The following PCDH15 variants were observed in gnomAD, a reference collection of about 807,000 sequenced individuals.
PCDH15 encodes the protein protocadherin related 15, also known as protocadherin-15.
A neutral mutation model predicts 178.5 loss-of-function variants in PCDH15; 129 were observed. The observed-to-expected ratio is 0.72, with a 90% CI of 0.63 to 0.84. The LOEUF (loss-of-function observed/expected upper bound fraction) is 0.84. PCDH15 is among the 40% of genes least tolerant of loss of function. The probability of loss-of-function intolerance (pLI) is 0.00; values close to 1 mark genes in which losing one functional copy is unlikely to be tolerated. For synonymous variants in PCDH15, 800 were observed against 732.0 expected (o/e 1.09, Z -1.50); for missense variants, 2,230 against 2,099.9 (o/e 1.06, Z -1.21).
At chr10:54,783,110 A>C (rs1404628889) in intron 1 of PCDH15, among the ~76,000 whole-genome samples, 1 of 152,188 alleles carries the variant, frequency 6.6e-6, no homozygotes, top group Non-Finnish European at 1.5e-5. Context: ...GGAACAAAAT[A>C]ATTTTCCAGT....
At chr10:55,396,381 T>G (rs944935792) in intron 2 of PCDH15, among the ~76,000 whole-genome samples, 2 of 152,328 alleles carry the variant, frequency 1.3e-5, no homozygotes, top group African/African-American at 4.8e-5. Context: ...CCTGTCAATA[T>G]TCACACCATC....
intron 2 of PCDH15, among the ~76,000 whole-genome samples, chr10:54,592,734 T>G (rs866101190): frequency 7.2e-5 from 11 of 152,190 alleles, no homozygotes; most frequent in African/African-American, 2.4e-4. Context: ...AAGCATTTGG[T>G]AGTTCCATTT....
At chr10:53,995,600 G>C in intron 21 of PCDH15, 49 bp downstream of exon 21, 1 of 1,613,274 alleles carries the variant, frequency 6.2e-7, no homozygotes, top group Non-Finnish European at 8.5e-7. Context: ...TGAGTGTTAA[G>C]GATTTTTCTC....
At chr10:54,311,461 T>C (rs1327595719) in intron 8 of PCDH15, among the ~76,000 whole-genome samples, 3 of 152,012 alleles carry the variant, frequency 2.0e-5, no homozygotes, top group African/African-American at 4.8e-5. Context: ...CTCCAAATTC[T>C]ACAGACTTTT....
intron 32 of PCDH15, chr10:53,823,886 G>A (rs1373286074): frequency 2.4e-6 from 1 of 421,044 alleles, no homozygotes; most frequent in East Asian, 7.4e-5. Context: ...AATCACCAAG[G>A]ACAGATGGGA....
intron 2 of PCDH15, among the ~76,000 whole-genome samples, chr10:55,098,055 T>C (rs763960481): frequency 2.0e-5 from 3 of 152,238 alleles, no homozygotes; most frequent in Non-Finnish European, 2.9e-5. Context: ...AAGGAAGAAC[T>C]GGAGGTGAAA....
intron 21 of PCDH15, among the ~76,000 whole-genome samples, chr10:53,968,047 G>T (rs1430849249): frequency 1.3e-5 from 2 of 152,160 alleles, no homozygotes; most frequent in African/African-American, 4.8e-5. Context: ...ATGGAGCAGG[G>T]TGGGGCATTG....
chr10:55,576,531 T>C (rs1259726764), intron 2 of PCDH15, among the ~76,000 whole-genome samples: 2 of 152,194 alleles, frequency 1.3e-5, no homozygotes, highest in African/African-American at 4.8e-5. Flanking sequence ...TAATGCTACA[T>C]GGAAATGAAT....
At chr10:55,515,632 G>T (rs1293938264) in intron 2 of PCDH15, among the ~76,000 whole-genome samples, 1 of 151,400 alleles carries the variant, frequency 6.6e-6, no homozygotes. Context: ...GATATGTATA[G>T]CCCACATAAA....
At chr10:54,618,432 C>A (rs1299647975) in intron 2 of PCDH15, among the ~76,000 whole-genome samples, 2 of 152,066 alleles carry the variant, frequency 1.3e-5, no homozygotes, top group Admixed American at 6.6e-5. Context: ...AACTCATTCT[C>A]AGCAGTGGTA....
At chr10:55,211,683 T>A (rs1201617579) in intron 1 of PCDH15, among the ~76,000 whole-genome samples, 2 of 152,166 alleles carry the variant, frequency 1.3e-5, no homozygotes, top group East Asian at 3.9e-4. Context: ...CATTTTCAGA[T>A]TAAAATTATA....
intron 2 of PCDH15, among the ~76,000 whole-genome samples, chr10:55,393,862 A>G (rs1837858809): frequency 6.6e-6 from 1 of 152,172 alleles, no homozygotes; most frequent in Non-Finnish European, 1.5e-5. Context: ...ATTTTAAAGT[A>G]AGAGCCAAAT....
Position 54,169,246 on chromosome 10 carries a change from C to T in PCDH15, c.1590+14198G>A, listed in dbSNP as rs192785737. On this transcript the variant is annotated intron_variant, in intron 13 of 37. Coordinates refer to ENST00000644397, the MANE Select transcript of PCDH15 (RefSeq NM_001384140.1). Reference sequence around the variant, plus strand: ...GAAGACTGACACTGCTTGATCGCCTCGGAAGCCCCCTAGACAATCACGGAC... The same window carrying T: ...GAAGACTGACACTGCTTGATCGCCTTGGAAGCCCCCTAGACAATCACGGAC... Among the ~76,000 whole-genome samples the T allele has an allele frequency of 2.9e-3, 175 of 61,362 alleles. 4 individuals carry two copies. Among genetic ancestry groups the T allele is most frequent in the African/African-American group, 0.014 (160 of 11,242 alleles). The allele number at this position is 61,362 out of a possible 152,430, so 40.3% of individuals were successfully genotyped here. A position where few individuals can be genotyped will look rare whatever the true frequency, so the allele number is the denominator to read the frequency against.
At position 54,184,525 on chromosome 10, in the gene PCDH15, CT is replaced by C. The variant is rs530366901; in HGVS notation, c.1440+608del. 4.5e-4 allele frequency among the ~76,000 whole-genome samples: 68 copies of C among 152,042 alleles called. 2 individuals are homozygous for C. Among genetic ancestry groups the C allele is most frequent in the African/African-American group, 1.6e-3 (65 of 41,486 alleles). The stretch of plus-strand genomic sequence containing the variant: ...ACAATCACAACTTTAATAACCTTTA[CT>C]TTTTTTCCCCCTTGATTAGCCTAAC... On this transcript the variant is annotated intron_variant, in intron 12 of 37. Coordinates refer to ENST00000644397, the MANE Select transcript of PCDH15 (RefSeq NM_001384140.1).
At chr10:54,984,185 G>T (rs1329353384) in intron 2 of PCDH15, among the ~76,000 whole-genome samples, 1 of 152,146 alleles carries the variant, frequency 6.6e-6, no homozygotes, top group East Asian at 1.9e-4. Flanking sequence ...TGAGAAACAA[G>T]GTCCCTCTGA....
intron 2 of PCDH15, among the ~76,000 whole-genome samples, chr10:54,916,583 G>A (rs1316192882): frequency 6.6e-6 from 1 of 152,016 alleles, no homozygotes; most frequent in African/African-American, 2.4e-5. Flanking sequence ...TGTATTATGA[G>A]CAGAAAAATC....
chr10:55,156,960 G>A (rs141975062), intron 2 of PCDH15, among the ~76,000 whole-genome samples: 6 of 152,112 alleles, frequency 3.9e-5, no homozygotes, highest in African/African-American at 4.8e-5. Flanking sequence ...CAGTAATATC[G>A]CTAAACTCTT....
At chr10:54,394,418 T>C (rs1950941681) in intron 3 of PCDH15, among the ~76,000 whole-genome samples, 1 of 151,718 alleles carries the variant, frequency 6.6e-6, no homozygotes, top group African/African-American at 2.4e-5. Flanking sequence ...AGACATCACA[T>C]GTCGGTACGT....
chr10:53,902,021 A>G (rs1203427810), intron 26 of PCDH15, among the ~76,000 whole-genome samples: 2 of 152,194 alleles, frequency 1.3e-5, no homozygotes. Context: ...TCAAACTTCT[A>G]GAACAGTGTT....
Sources: allele counts gnomAD v4.1 joint callset (sites outside exome capture counted in the v4.1 genomes callset), GRCh38; gene constraint gnomAD v4.1.1; transcripts MANE v1.5; gene names NCBI Gene and HGNC (gene_info 2026-07-23, HGNC 2026-07-21).